DCDC2: variants seen among roughly 807,000 people sequenced by gnomAD.
The protein encoded by DCDC2 is doublecortin domain-containing protein 2.
A neutral mutation model predicts 50.2 loss-of-function variants in DCDC2; 40 were observed. The ratio of observed to expected loss-of-function variants is 0.80; its 90% confidence interval spans 0.62 to 1.04. The LOEUF (loss-of-function observed/expected upper bound fraction) is 1.04, where lower values mean the gene tolerates loss of function less well. Among genes scored for constraint, DCDC2 ranks in the 50% least tolerant of loss-of-function variants. The probability of loss-of-function intolerance (pLI) is 0.00; values close to 1 mark genes in which losing one functional copy is unlikely to be tolerated. For missense variants in DCDC2, 570 were observed against 581.9 expected (o/e 0.98, Z 0.21); for synonymous variants, 234 against 210.6 (o/e 1.11, Z -0.96).
intron 7 of DCDC2, among the ~76,000 whole-genome samples, chr6:24,238,322 G>A (rs1762497616): frequency 1.3e-5 from 2 of 150,298 alleles, no homozygotes; most frequent in South Asian, 4.2e-4. Context: ...TTTTTGAGAT[G>A]GAGTCTTGTT....
chr6:24,284,374 G>A (rs564171811), intron 6 of DCDC2, among the ~76,000 whole-genome samples: 4 of 152,044 alleles, frequency 2.6e-5, no homozygotes, highest in South Asian at 4.2e-4. Flanking sequence ...TTGAGAGGCC[G>A]AGGCAGGTGG....
the DCDC2 span, among the ~76,000 whole-genome samples, chr6:24,363,405 G>A: frequency 5.9e-5 from 9 of 152,162 alleles, no homozygotes; most frequent in African/African-American, 1.9e-4. Context: ...GGAGACTGAG[G>A]TGGGAGAATC....
chr6:24,295,966 A>G (rs1483478521), intron 4 of DCDC2, among the ~76,000 whole-genome samples: 1 of 152,196 alleles, frequency 6.6e-6, no homozygotes, highest in Non-Finnish European at 1.5e-5. Flanking sequence ...ACAGAACTAG[A>G]AAAAACTATT....
At chr6:24,245,868 A>T (rs1762660841) in intron 7 of DCDC2, among the ~76,000 whole-genome samples, 2 of 152,260 alleles carry the variant, frequency 1.3e-5, no homozygotes, top group African/African-American at 2.4e-5. Context: ...ACTACTAGAA[A>T]TGAAAAATAT....
intron 7 of DCDC2, among the ~76,000 whole-genome samples, chr6:24,258,329 T>G (rs1163771573): frequency 6.6e-6 from 1 of 152,156 alleles, no homozygotes; most frequent in Non-Finnish European, 1.5e-5. Flanking sequence ...TCCTGCTGAT[T>G]GATCCATTTT....
At chr6:24,272,877 CA>C (rs770719687) in intron 7 of DCDC2, among the ~76,000 whole-genome samples, 1 of 152,046 alleles carries the variant, frequency 6.6e-6, no homozygotes, top group Non-Finnish European at 1.5e-5. Flanking sequence ...CAAAAGAAAA[CA>C]AATCATTATA....
intron 2 of DCDC2, among the ~76,000 whole-genome samples, chr6:24,352,809 T>C (rs996034332): frequency 6.6e-6 from 1 of 152,200 alleles, no homozygotes; most frequent in Non-Finnish European, 1.5e-5. Flanking sequence ...GAAGCACTTG[T>C]TTATTTGGGG....
intron 7 of DCDC2, among the ~76,000 whole-genome samples, chr6:24,272,175 T>TC (rs1222176737): frequency 2.0e-5 from 3 of 152,246 alleles, no homozygotes; most frequent in African/African-American, 7.2e-5. Flanking sequence ...TTTTTCAGTC[T>TC]CTCAGTACTA....
Position 24,174,473 on chromosome 6 carries a change from A to G in DCDC2, c.*257T>C. The G allele has an allele frequency of 3.8e-6, 1 of 260,018 alleles. No homozygotes were observed. Among genetic ancestry groups the G allele is most frequent in the Non-Finnish European group, 7.2e-6 (1 of 138,654 alleles). The allele number at this position is 260,018 out of a possible 1,614,324, so 16.1% of individuals were successfully genotyped here. A position where few individuals can be genotyped will look rare whatever the true frequency, so the allele number is the denominator to read the frequency against. On this transcript the variant is annotated 3_prime_UTR_variant, in exon 10 of 10. Coordinates refer to ENST00000378454, the MANE Select transcript of DCDC2 (RefSeq NM_016356.5). ...CCTTTACAAGTGGCAATTGTCTTCCAGTGCAAATTCTCCTCTGTCCGTCTT... is the reference window on the plus strand; with the variant it reads ...CCTTTACAAGTGGCAATTGTCTTCCGGTGCAAATTCTCCTCTGTCCGTCTT...
chr6:24,324,547 G>C (rs894634624), intron 2 of DCDC2, among the ~76,000 whole-genome samples: 1 of 151,970 alleles, frequency 6.6e-6, no homozygotes, highest in African/African-American at 2.4e-5. Context: ...ATTTTGCCTC[G>C]TCTCCCTGGA....
chr6:24,289,114 C>G (rs1016280692), intron 5 of DCDC2, among the ~76,000 whole-genome samples: 1 of 152,130 alleles, frequency 6.6e-6, no homozygotes, highest in African/African-American at 2.4e-5. Context: ...TAATGTTTTC[C>G]TGTATAATAT....
chr6:24,382,095 C>G, the DCDC2 span, among the ~76,000 whole-genome samples: 1 of 152,074 alleles, frequency 6.6e-6, no homozygotes, highest in Non-Finnish European at 1.5e-5. Context: ...TTTCATAAAA[C>G]TGGGCAAGCT....
At chr6:24,378,871 G>A in the DCDC2 span, among the ~76,000 whole-genome samples, 2 of 149,248 alleles carry the variant, frequency 1.3e-5, 1 homozygote, top group South Asian at 4.2e-4. Context: ...AGGATTGCTT[G>A]AGCCCAGGAG....
chr6:24,245,744 G>C (rs1762657045), intron 7 of DCDC2, among the ~76,000 whole-genome samples: 1 of 152,072 alleles, frequency 6.6e-6, no homozygotes, highest in Non-Finnish European at 1.5e-5. Flanking sequence ...TTTTAAAAGA[G>C]ATTACTAAAA....
At chr6:24,274,517 A>G (rs1381135223) in intron 7 of DCDC2, among the ~76,000 whole-genome samples, 1 of 151,756 alleles carries the variant, frequency 6.6e-6, no homozygotes, top group East Asian at 1.9e-4. Flanking sequence ...CTTGGCTACC[A>G]AAAGAAAATG....
intron 4 of DCDC2, among the ~76,000 whole-genome samples, chr6:24,301,156 G>T (rs951153108): frequency 3.3e-5 from 5 of 151,860 alleles, no homozygotes; most frequent in African/African-American, 9.7e-5. Context: ...CGGATCACGA[G>T]GTCAGGAGAT....
intron 7 of DCDC2, among the ~76,000 whole-genome samples, chr6:24,242,446 GAGA>G (rs1162983668): frequency 3.9e-5 from 6 of 152,068 alleles, no homozygotes; most frequent in Non-Finnish European, 8.8e-5. Flanking sequence ...TGTCTACCTG[GAGA>G]AGGTTTATTT....
At chr6:24,220,608 T>C (rs1056478855) in intron 7 of DCDC2, among the ~76,000 whole-genome samples, 3 of 152,242 alleles carry the variant, frequency 2.0e-5, no homozygotes, top group Non-Finnish European at 4.4e-5. Flanking sequence ...ATGTGAGTAT[T>C]CTGGATCAGG....
chr6:24,341,530 A>AG (rs200716162), intron 2 of DCDC2, among the ~76,000 whole-genome samples: 2 of 151,852 alleles, frequency 1.3e-5, no homozygotes, highest in African/African-American at 4.8e-5. Context: ...AAAAAAAAAA[A>AG]TGCCTCCATC....
Sources: allele counts gnomAD v4.1 joint callset (sites outside exome capture counted in the v4.1 genomes callset), GRCh38; gene constraint gnomAD v4.1.1; transcripts MANE v1.5; gene names NCBI Gene and HGNC (gene_info 2026-07-23, HGNC 2026-07-21).